Variants in EYS observed in about 807,000 individuals in gnomAD.
The protein encoded by EYS is EGF-like photoreceptor maintenance factor, also known as protein eyes shut homolog.
A neutral mutation model predicts 282.1 loss-of-function variants in EYS; 250 were observed. That is an observed-to-expected ratio of 0.89 (90% CI 0.80 to 0.98). The LOEUF is 0.98. Among genes scored for constraint, EYS ranks in the 50% least tolerant of loss-of-function variants. EYS has a pLI of 0.00. For missense variants in EYS, 4,016 were observed against 3,709.0 expected (o/e 1.08, Z -2.15); for synonymous variants, 1,355 against 1,282.9 (o/e 1.06, Z -1.20).
chr6:64,538,522 G>C (rs1486529085), intron 26 of EYS, among the ~76,000 whole-genome samples: 1 of 151,982 alleles, frequency 6.6e-6, no homozygotes, highest in African/African-American at 2.4e-5. Flanking sequence ...ATCATTTTCT[G>C]TATGCTTATT....
chr6:64,029,994 C>G (rs1286095106), intron 33 of EYS, among the ~76,000 whole-genome samples: 2 of 152,130 alleles, frequency 1.3e-5, no homozygotes, highest in Admixed American at 6.5e-5. Context: ...GGAGGTGGCA[C>G]TCTTACACTG....
intron 18 of EYS, among the ~76,000 whole-genome samples, chr6:64,900,133 G>T (rs1382730466): frequency 6.6e-6 from 1 of 152,082 alleles, no homozygotes; most frequent in Non-Finnish European, 1.5e-5. Flanking sequence ...AATGGGGAAA[G>T]GATTCCCTAT....
chr6:65,155,773 G>A (rs1261853102), intron 12 of EYS, among the ~76,000 whole-genome samples: 5 of 151,142 alleles, frequency 3.3e-5, no homozygotes, highest in African/African-American at 1.2e-4. Flanking sequence ...GCAAGTCAAA[G>A]CATTGACTAA....
chr6:65,405,073 A>C (rs1766668566), intron 6 of EYS, 101 bp downstream of exon 6: 1 of 817,656 alleles, frequency 1.2e-6, no homozygotes, highest in African/African-American at 1.7e-5. Context: ...TAACAATTAA[A>C]CTACCTTAAT....
In EYS at chr6:64,593,163, CT is replaced by C; in HGVS notation, c.3830del (p.Lys1277ArgfsTer8). 1 of 1,547,816 alleles carries C rather than the reference CT, an allele frequency of 6.5e-7. No individual in the cohort carries two copies. Among genetic ancestry groups the C allele is most frequent in the Non-Finnish European group, 8.7e-7 (1 of 1,145,366 alleles). On this transcript the variant is annotated frameshift_variant, in exon 25 of 43. Transcript: ENST00000503581. LOFTEE classifies it high-confidence loss of function. Reference protein sequence around the residue: ...ETLVSSFPSIKATRIPAIMDT... With the variant: ...ETLVSSFPSIXATRIPAIMDT... ...CCATTATGGCTGGTATTCTAGTAGC[CT>C]TTATAGATGGAAAGCTGCTGACCAA...
At chr6:65,695,632 G>A (rs555894010) in intron 1 of EYS, among the ~76,000 whole-genome samples, 10 of 106,686 alleles carry the variant, frequency 9.4e-5, no homozygotes, top group African/African-American at 2.7e-4. Context: ...GTCAATCATT[G>A]TTATTTTTTT....
chr6:63,894,545 C>G (rs1172399249), intron 35 of EYS, among the ~76,000 whole-genome samples: 1 of 151,936 alleles, frequency 6.6e-6, no homozygotes, highest in Non-Finnish European at 1.5e-5. Flanking sequence ...ACTTCCAGAA[C>G]TGGGAGGGCA....
At position 64,148,773 on chromosome 6, in the gene EYS, C is replaced by T. The variant is rs551896516; in HGVS notation, c.6425-66771G>A. On this transcript the variant is annotated intron_variant, in intron 31 of 42. Transcript: ENST00000503581. ...CAGTAAAACTCATGTTAATAGTGAT[C>T]CAGTTGGATGAGAAATGATTGGAAG... Among the ~76,000 whole-genome samples, 24 of 152,160 alleles carry T rather than the reference C, an allele frequency of 1.6e-4. 1 individual carries two copies. In the South Asian group the frequency reaches 5.0e-3, roughly 32 times the overall value.
chr6:64,741,744 C>A (rs967984636), intron 22 of EYS, among the ~76,000 whole-genome samples: 2 of 152,120 alleles, frequency 1.3e-5, no homozygotes, highest in African/African-American at 4.8e-5. Flanking sequence ...ATGAAGCAAC[C>A]ACTGCTGGCT....
At chr6:64,187,016 T>C (rs4326220) in intron 31 of EYS, among the ~76,000 whole-genome samples, 38,880 of 151,982 alleles carry the variant, frequency 0.26, 5,458 homozygotes, top group East Asian at 0.44. Flanking sequence ...ATGCATAGTT[T>C]TTTTTCCCCT....
Position 64,885,685 on chromosome 6 carries a change from G to A in EYS, c.2992+1012C>T, listed in dbSNP as rs1170126240. Among the ~76,000 whole-genome samples the A allele has an allele frequency of 2.6e-5, 4 of 151,706 alleles. No individual in the cohort carries two copies. In the East Asian group the frequency reaches 7.7e-4, roughly 29 times the overall value. On this transcript the variant is annotated intron_variant, in intron 19 of 42. Transcript: ENST00000503581. ...TTTTTGGGAAATATTAACTTAATCT[G>A]ATAGTTTTTGTGTATATGAGATTTG...
At chr6:65,311,301 T>C (rs989942599) in intron 11 of EYS, among the ~76,000 whole-genome samples, 2 of 152,170 alleles carry the variant, frequency 1.3e-5, no homozygotes, top group African/African-American at 4.8e-5. Context: ...TTAATCCTAT[T>C]TTCTATGTTA....
chr6:65,089,994 CACACACACACACAA>C (rs1774508117), intron 12 of EYS, among the ~76,000 whole-genome samples: 1 of 148,292 alleles, frequency 6.7e-6, no homozygotes, highest in Non-Finnish European at 1.5e-5. Flanking sequence ...CACACACACA[CACACACACACACAA>C]ACACACACAC....
intron 30 of EYS, among the ~76,000 whole-genome samples, chr6:64,239,233 T>C (rs1766711970): frequency 6.6e-6 from 1 of 152,204 alleles, no homozygotes; most frequent in Non-Finnish European, 1.5e-5. Context: ...TGTGTCTTTA[T>C]AGTAGAATGA....
In EYS at chr6:65,555,529, C is replaced by T. The variant is rs1012909418; in HGVS notation, c.-332-59536G>A. ...GTTTATATATTTAATTTTCACTTTGCATAAAACTACATTTGACACTTTTAT... is the reference window on the plus strand; with the variant it reads ...GTTTATATATTTAATTTTCACTTTGTATAAAACTACATTTGACACTTTTAT... On this transcript the variant is annotated intron_variant, in intron 2 of 42. Coordinates refer to ENST00000503581, the MANE Select transcript of EYS (RefSeq NM_001142800.2). Among the ~76,000 whole-genome samples the T allele has an allele frequency of 2.6e-4, 40 of 152,020 alleles. 1 individual carries two copies. Among genetic ancestry groups the T allele is most frequent in the Non-Finnish European group, 5.0e-4 (34 of 67,956 alleles).
intron 7 of EYS, among the ~76,000 whole-genome samples, chr6:65,391,048 C>A (rs995966680): frequency 1.1e-4 from 16 of 151,792 alleles, no homozygotes; most frequent in African/African-American, 3.9e-4. Flanking sequence ...ATCAGGTATG[C>A]CAGGAAGACT....
intron 22 of EYS, among the ~76,000 whole-genome samples, chr6:64,629,333 A>G (rs1217570304): frequency 6.6e-6 from 1 of 152,124 alleles, no homozygotes; most frequent in Non-Finnish European, 1.5e-5. Context: ...TTAAGAGATG[A>G]GAAGTCATGC....
At chr6:64,686,170 G>A (rs1770093406) in intron 22 of EYS, among the ~76,000 whole-genome samples, 1 of 151,462 alleles carries the variant, frequency 6.6e-6, no homozygotes, top group African/African-American at 2.4e-5. Flanking sequence ...TAGCAATTAT[G>A]AGAAAATAAG....
chr6:65,373,790 AT>A (rs1336239160), intron 8 of EYS, among the ~76,000 whole-genome samples: 7 of 152,060 alleles, frequency 4.6e-5, no homozygotes, highest in African/African-American at 1.7e-4. Context: ...TATAATGAAC[AT>A]TTTATATGCA....
Sources: gnomAD v4.1 joint callset for allele counts (sites outside exome capture counted in the v4.1 genomes callset) on GRCh38, gnomAD v4.1.1 for gene constraint, MANE v1.5 for transcripts, NCBI Gene and HGNC (gene_info 2026-07-23, HGNC 2026-07-21) for gene names.